DIAPH3: variants seen among roughly 807,000 people sequenced by gnomAD.
The protein encoded by DIAPH3 is protein diaphanous homolog 3.
DIAPH3 carries 117 observed loss-of-function variants against 144.3 expected under a neutral mutation model. That is an observed-to-expected ratio of 0.81 (90% CI 0.70 to 0.95). The LOEUF (loss-of-function observed/expected upper bound fraction) is 0.95. Among genes scored for constraint, DIAPH3 ranks in the 40% least tolerant of loss-of-function variants. The pLI is 0.00. For missense variants in DIAPH3, 1,421 were observed against 1,412.7 expected, an observed-to-expected ratio of 1.01 and a Z score of -0.09; for synonymous variants, 519 against 488.9, an observed-to-expected ratio of 1.06 and a Z score of -0.81.
At chr13:60,162,807 TCTCACA>T (rs1237748718) in intron 1 of DIAPH3, among the ~76,000 whole-genome samples, 272 of 128,042 alleles carry the variant, frequency 2.1e-3, no homozygotes, top group Middle Eastern at 8.3e-3. Context: ...TCTCTCTCTC[TCTCACA>T]CACACACACA....
intron 18 of DIAPH3, among the ~76,000 whole-genome samples, chr13:59,922,420 T>C (rs536065833): frequency 6.6e-6 from 1 of 152,090 alleles, no homozygotes; most frequent in East Asian, 1.9e-4. Context: ...GAATGACTTT[T>C]AGATTCTTTC....
chr13:60,112,138 G>T lies in DIAPH3; in HGVS notation c.262C>A (p.Pro88Thr). ...GCAGTCTTCAGGTTGGGAAGTGGAGGTCTCTCTTTCTTGCTCCCTGGAATT... is the reference window on the plus strand; with the variant it reads ...GCAGTCTTCAGGTTGGGAAGTGGAGTTCTCTCTTTCTTGCTCCCTGGAATT... The part of the protein sequence containing the change: ...IRIPGSKKER[P>T]PLPNLKTAFA... Residue 88 changes from proline to threonine, a missense_variant, in exon 3 of 28, where the codon CCT (proline) becomes ACT (threonine). Pro to Thr is a conservative substitution (Grantham distance 38, BLOSUM62 -1). Coordinates refer to ENST00000400324, the MANE Select transcript of DIAPH3 (RefSeq NM_001042517.2). 1 of 1,614,072 alleles carries T rather than the reference G, an allele frequency of 6.2e-7. No individual in the cohort carries two copies. Among genetic ancestry groups the T allele is most frequent in the East Asian group, 2.2e-5 (1 of 44,860 alleles).
Position 59,666,784 on chromosome 13 carries a change from T to A in DIAPH3, c.3382A>T (p.Thr1128Ser). The A allele has an allele frequency of 1.9e-6, 3 of 1,614,174 alleles. No homozygotes were observed. The highest frequency in any genetic ancestry group is 1.7e-6 in the Non-Finnish European group (2 of 1,180,022). ...RSHYNINCNSTRTPVAKELNY... is the reference protein window; with the variant it reads ...RSHYNINCNSSRTPVAKELNY... ...AGCTCCTTGGCGACTGGAGTCCTTGTTGAGTTGCAATTGATATTGTAGTGT... is the reference window on the plus strand; with the variant it reads ...AGCTCCTTGGCGACTGGAGTCCTTGATGAGTTGCAATTGATATTGTAGTGT... Residue 1128 changes from threonine to serine, a missense_variant, in exon 28 of 28, where the codon ACA (threonine) becomes TCA (serine). Thr to Ser is a moderately conservative substitution (Grantham distance 58, BLOSUM62 1). Coordinates refer to ENST00000400324, the MANE Select transcript of DIAPH3 (RefSeq NM_001042517.2).
At chr13:60,132,831 T>C (rs919052672) in intron 2 of DIAPH3, 126 bp downstream of exon 2, 5 of 774,152 alleles carry the variant, frequency 6.5e-6, no homozygotes, top group African/African-American at 3.4e-5. Context: ...ATTTCAGCAC[T>C]ATAAGAATAG....
intron 2 of DIAPH3, among the ~76,000 whole-genome samples, chr13:60,117,409 G>GA (rs1320077831): frequency 1.3e-5 from 2 of 151,672 alleles, no homozygotes; most frequent in African/African-American, 2.4e-5. Flanking sequence ...AAGAATAAAA[G>GA]AAAAAAATAA....
At chr13:60,034,980 T>C (rs2055106223) in intron 5 of DIAPH3, among the ~76,000 whole-genome samples, 2 of 152,172 alleles carry the variant, frequency 1.3e-5, no homozygotes, top group Non-Finnish European at 2.9e-5. Context: ...TTTTAAAAAG[T>C]CAATCTTGGC....
At chr13:59,775,157 A>G (rs1384959301) in intron 25 of DIAPH3, among the ~76,000 whole-genome samples, 1 of 152,166 alleles carries the variant, frequency 6.6e-6, no homozygotes, top group African/African-American at 2.4e-5. Flanking sequence ...TATAAATCAC[A>G]TTTCCTTTGT....
chr13:59,714,811 TG>T (rs2034965257), intron 27 of DIAPH3, among the ~76,000 whole-genome samples: 1 of 152,084 alleles, frequency 6.6e-6, no homozygotes, highest in African/African-American at 2.4e-5. Flanking sequence ...GGGAGCTGGC[TG>T]GGGGTGTGGA....
chr13:59,917,309 A>C (rs545447188), intron 18 of DIAPH3, among the ~76,000 whole-genome samples: 160 of 152,298 alleles, frequency 1.1e-3, no homozygotes, highest in African/African-American at 3.7e-3. Flanking sequence ...TTTGGTATTC[A>C]TCAGGGGTCC....
intron 21 of DIAPH3, among the ~76,000 whole-genome samples, chr13:59,869,647 T>G (rs1411769182): frequency 2.0e-5 from 3 of 152,206 alleles, no homozygotes; most frequent in Non-Finnish European, 4.4e-5. Flanking sequence ...AAATGTTAAC[T>G]TCTGCTTTTA....
At chr13:59,913,923 A>G (rs2047110836) in intron 19 of DIAPH3, among the ~76,000 whole-genome samples, 2 of 152,034 alleles carry the variant, frequency 1.3e-5, no homozygotes, top group African/African-American at 4.8e-5. Flanking sequence ...GCACCATTGC[A>G]CTCCAGCCTG....
At chr13:59,960,857 A>G (rs549841539) in intron 17 of DIAPH3, among the ~76,000 whole-genome samples, 8 of 152,216 alleles carry the variant, frequency 5.3e-5, no homozygotes, top group South Asian at 4.1e-4. Context: ...AACTGAAAGG[A>G]AAAAAGTCAT....
intron 1 of DIAPH3, among the ~76,000 whole-genome samples, chr13:60,157,477 T>C (rs1307965575): frequency 1.3e-5 from 2 of 152,228 alleles, no homozygotes; most frequent in East Asian, 3.8e-4. Context: ...CTACAGAGGT[T>C]TCCTATCATT....
intron 24 of DIAPH3, among the ~76,000 whole-genome samples, chr13:59,831,140 T>G (rs541879929): frequency 6.6e-6 from 1 of 151,980 alleles, no homozygotes; most frequent in African/African-American, 2.4e-5. Context: ...TTGTCTGACA[T>G]ACTATATGTA....
chr13:59,772,203 A>G (rs1052772964), intron 27 of DIAPH3, among the ~76,000 whole-genome samples: 2 of 152,046 alleles, frequency 1.3e-5, no homozygotes, highest in African/African-American at 4.8e-5. Context: ...AATAATCACT[A>G]CCCTTTTTGC....
intron 27 of DIAPH3, among the ~76,000 whole-genome samples, chr13:59,726,541 C>T (rs2035609173): frequency 6.6e-6 from 1 of 152,132 alleles, no homozygotes; most frequent in African/African-American, 2.4e-5. Flanking sequence ...TAATTGAGCA[C>T]CCTGGTCCAG....
At chr13:59,689,114 C>T (rs1593583739) in intron 27 of DIAPH3, among the ~76,000 whole-genome samples, 2 of 152,132 alleles carry the variant, frequency 1.3e-5, no homozygotes. Flanking sequence ...TTAAAGATTG[C>T]AAGAATTTAG....
In DIAPH3 at chr13:59,829,345, A is replaced by T. The variant is rs1179113983; in HGVS notation, c.3027+3762T>A. On this transcript the variant is annotated intron_variant, in intron 24 of 27. Coordinates refer to ENST00000400324, the MANE Select transcript of DIAPH3 (RefSeq NM_001042517.2). ...GTTTCAAGCTAGTCCCGTTTGACAC[A>T]GCAATAGCAGTTATGCATTTAATAG... Among the ~76,000 whole-genome samples, 6 of 152,098 alleles carry T rather than the reference A, an allele frequency of 3.9e-5. No individual in the cohort carries two copies. The South Asian group carries it at 1.2e-3, about 32-fold the overall frequency.
chr13:59,731,894 T>C (rs1043859765), intron 27 of DIAPH3, among the ~76,000 whole-genome samples: 1 of 152,182 alleles, frequency 6.6e-6, no homozygotes. Flanking sequence ...TCTAGATGTC[T>C]TTACTGATCA....
Sources: allele counts gnomAD v4.1 joint callset (sites outside exome capture counted in the v4.1 genomes callset), GRCh38; gene constraint gnomAD v4.1.1; transcripts MANE v1.5; gene names NCBI Gene and HGNC (gene_info 2026-07-23, HGNC 2026-07-21).